Variants in SRPK2 observed in about 807,000 individuals in gnomAD.
The protein encoded by SRPK2 is SRSF protein kinase 2.
Under a neutral mutation model 90.8 loss-of-function variants are expected in SRPK2, and 21 were observed. That is an observed-to-expected ratio of 0.23 (90% confidence interval 0.16 to 0.33). SRPK2 has a LOEUF of 0.33. SRPK2 is among the 10% of genes least tolerant of loss of function. The pLI is 1.00. For missense variants in SRPK2, 620 were observed against 869.0 expected, an observed-to-expected ratio of 0.71 and a Z score of 3.60; for synonymous variants, 288 against 311.1, an observed-to-expected ratio of 0.93 and a Z score of 0.78.
At chr7:105,302,016 T>C (rs1362724474) in intron 2 of SRPK2, 8 of 1,584,798 alleles carry the variant, frequency 5.0e-6, no homozygotes, top group Admixed American at 1.7e-5. Context: ...AAAGGAGAAC[T>C]TCCTCGAGGC....
chr7:105,389,390 C>T (rs1235849970), upstream of SRPK2: 2 of 1,248,966 alleles, frequency 1.6e-6, no homozygotes, highest in African/African-American at 1.6e-5. Context: ...TTCCTCCTCT[C>T]CGGCAGGCGT....
At chr7:105,343,924 G>A (rs186465310) in intron 2 of SRPK2, among the ~76,000 whole-genome samples, 27 of 151,916 alleles carry the variant, frequency 1.8e-4, no homozygotes, top group Admixed American at 2.6e-4. Flanking sequence ...CACCACACCC[G>A]GCTAATTTTT....
intron 3 of SRPK2, among the ~76,000 whole-genome samples, chr7:105,177,030 G>A (rs981460551): frequency 6.6e-6 from 1 of 151,794 alleles, no homozygotes; most frequent in Non-Finnish European, 1.5e-5. Context: ...TAGATATTCC[G>A]TATACATGTT....
chr7:105,208,801 G>A (rs1006733792), intron 2 of SRPK2, among the ~76,000 whole-genome samples: 1 of 152,096 alleles, frequency 6.6e-6, no homozygotes, highest in East Asian at 1.9e-4. Context: ...TATGCTATGT[G>A]AATTATACTT....
chr7:105,176,557 ATGTG>A (rs10691783), intron 3 of SRPK2, among the ~76,000 whole-genome samples: 257 of 148,000 alleles, frequency 1.7e-3, no homozygotes, highest in East Asian at 8.0e-3. Flanking sequence ...TTTTGCATAT[ATGTG>A]TGTGTGTGTG....
At chr7:105,253,786 T>C (rs1308900990) in intron 2 of SRPK2, among the ~76,000 whole-genome samples, 2 of 152,230 alleles carry the variant, frequency 1.3e-5, no homozygotes, top group Non-Finnish European at 2.9e-5. Context: ...AGTAATTTTA[T>C]TGTAGTGCAA....
At chr7:105,282,304 T>C (rs1052758078) in intron 2 of SRPK2, among the ~76,000 whole-genome samples, 2 of 152,168 alleles carry the variant, frequency 1.3e-5, no homozygotes, top group African/African-American at 4.8e-5. Context: ...CTTCACACCA[T>C]ATACAAAAAT....
chr7:105,186,764 A>C (rs900587358), intron 3 of SRPK2, among the ~76,000 whole-genome samples: 2 of 152,240 alleles, frequency 1.3e-5, no homozygotes, highest in Non-Finnish European at 2.9e-5. Context: ...AGGTCATAAA[A>C]GGAACACAGC....
At chr7:105,197,360 T>TGTGTGTGAC (rs1253185887) in intron 3 of SRPK2, among the ~76,000 whole-genome samples, 1 of 152,182 alleles carries the variant, frequency 6.6e-6, no homozygotes, top group Non-Finnish European at 1.5e-5. Context: ...GTCACTCAAA[T>TGTGTGTGAC]GTGTGTGACA....
chr7:105,385,934 C>A (rs1821531993), intron 2 of SRPK2, among the ~76,000 whole-genome samples: 1 of 152,154 alleles, frequency 6.6e-6, no homozygotes, highest in African/African-American at 2.4e-5. Flanking sequence ...TATCCCTTAG[C>A]CCTATCTGAA....
intron 2 of SRPK2, chr7:105,206,435 T>C (rs1796244371): frequency 2.5e-5 from 4 of 162,868 alleles, no homozygotes; most frequent in Admixed American, 1.7e-4. Context: ...CCCTCAAAAT[T>C]CTCAGACCCT....
At chr7:105,373,785 G>GT (rs1475239589) in intron 2 of SRPK2, among the ~76,000 whole-genome samples, 2 of 151,996 alleles carry the variant, frequency 1.3e-5, no homozygotes, top group East Asian at 1.9e-4. Flanking sequence ...CCTTACTGTC[G>GT]TAAGTGCTTT....
At chr7:105,275,595 T>C (rs1806380960) in intron 2 of SRPK2, among the ~76,000 whole-genome samples, 1 of 152,198 alleles carries the variant, frequency 6.6e-6, no homozygotes, top group East Asian at 1.9e-4. Context: ...CCTGTCTACG[T>C]TGTAACACAC....
chr7:105,314,318 T>G (rs1285918518), intron 2 of SRPK2, among the ~76,000 whole-genome samples: 1 of 151,638 alleles, frequency 6.6e-6, no homozygotes, highest in Non-Finnish European at 1.5e-5. Context: ...GACGACAGAG[T>G]AAGACCCTGT....
intron 2 of SRPK2, among the ~76,000 whole-genome samples, chr7:105,353,803 A>T (rs1251008635): frequency 6.6e-6 from 1 of 152,206 alleles, no homozygotes; most frequent in Non-Finnish European, 1.5e-5. Flanking sequence ...AAACTAAAGA[A>T]GCTGGCAGAC....
chr7:105,270,137 C>A (rs1311652323), intron 2 of SRPK2, among the ~76,000 whole-genome samples: 3 of 152,054 alleles, frequency 2.0e-5, no homozygotes, highest in African/African-American at 4.8e-5. Context: ...GGATTTTTCC[C>A]AAATTTTTAA....
At chr7:105,314,922 T>G (rs944514479) in intron 2 of SRPK2, among the ~76,000 whole-genome samples, 1 of 152,228 alleles carries the variant, frequency 6.6e-6, no homozygotes, top group Non-Finnish European at 1.5e-5. Context: ...GAATATATTC[T>G]TAAGCATTTA....
At chr7:105,306,429 T>C in intron 2 of SRPK2, 1 of 422,344 alleles carries the variant, frequency 2.4e-6, no homozygotes, top group South Asian at 1.7e-5. Flanking sequence ...AGTAGAAATT[T>C]TGAAACCTAA....
Position 105,186,528 on chromosome 7 carries a change from A to G in SRPK2, c.229+17100T>C, listed in dbSNP as rs373286951. The stretch of plus-strand genomic sequence containing the variant: ...ATGTTGCTGCAAAGGAAATCATTTC[A>G]TTCTCTATGGCTGCTTTATTGATTT... On this transcript the variant is annotated intron_variant, in intron 3 of 15. Transcript: ENST00000393651. Among the ~76,000 whole-genome samples, 10 of 152,324 alleles carry G rather than the reference A, an allele frequency of 6.6e-5. No individual in the cohort carries two copies. The East Asian group carries it at 1.3e-3, about 21-fold the overall frequency.
Sources: gnomAD v4.1 joint callset for allele counts (sites outside exome capture counted in the v4.1 genomes callset) on GRCh38, gnomAD v4.1.1 for gene constraint, MANE v1.5 for transcripts, NCBI Gene and HGNC (gene_info 2026-07-23, HGNC 2026-07-21) for gene names.